The following MYO10 variants were observed in gnomAD, a reference collection of about 807,000 sequenced individuals.
MYO10 encodes the protein myosin X, also known as unconventional myosin-X.
Under a neutral mutation model 257.3 loss-of-function variants are expected in MYO10, and 133 were observed. That is an observed-to-expected ratio of 0.52 (90% CI 0.45 to 0.60). The LOEUF (loss-of-function observed/expected upper bound fraction) is 0.60, where lower values mean the gene tolerates loss of function less well. Among genes scored for constraint, MYO10 ranks in the 20% least tolerant of loss-of-function variants. MYO10 has a pLI of 0.00. For missense variants in MYO10, 2,399 were observed against 2,635.7 expected (o/e 0.91, Z 1.97); for synonymous variants, 1,104 against 1,028.6 (o/e 1.07, Z -1.40).
chr5:16,915,962 G>GA (rs10541432), intron 1 of MYO10: 4,176 of 405,140 alleles, frequency 0.01, no homozygotes, highest in South Asian at 0.019. Flanking sequence ...ACGTCAAAAA[G>GA]AAAAAAAAAA....
chr5:16,780,614 A>C lies in MYO10; in HGVS notation c.742-6T>G. 6.4e-7 allele frequency: 1 copy of C among 1,568,252 alleles called. No homozygotes were observed. Among genetic ancestry groups the C allele is most frequent in the Non-Finnish European group, 8.7e-7 (1 of 1,153,110 alleles). ...TTTTGCCTTACTACTCGGTTCTGGG[A>C]AGATAAATCAGATTTATATTCAGAG... On this transcript the variant is annotated splice_region_variant and splice_polypyrimidine_tract_variant and intron_variant, in intron 7 of 40. Coordinates refer to ENST00000513610, the MANE Select transcript of MYO10 (RefSeq NM_012334.3).
intron 2 of MYO10, among the ~76,000 whole-genome samples, chr5:16,863,518 T>C (rs750893464): frequency 6.6e-6 from 1 of 152,210 alleles, no homozygotes; most frequent in Admixed American, 6.5e-5. Flanking sequence ...ACACCTCACA[T>C]AGCCCACATT....
intron 4 of MYO10, among the ~76,000 whole-genome samples, chr5:16,790,701 T>C (rs1263838752): frequency 6.6e-6 from 1 of 152,170 alleles, no homozygotes; most frequent in African/African-American, 2.4e-5. Flanking sequence ...ATTAAACCTC[T>C]TTCTTTTGTA....
At chr5:16,757,622 A>G (rs1026156838) in intron 18 of MYO10, among the ~76,000 whole-genome samples, 2 of 152,144 alleles carry the variant, frequency 1.3e-5, no homozygotes, top group Non-Finnish European at 2.9e-5. Flanking sequence ...AAGGATCTAC[A>G]TGTTTTCATC....
chr5:16,826,305 G>T (rs186811523), intron 2 of MYO10, among the ~76,000 whole-genome samples: 4 of 152,212 alleles, frequency 2.6e-5, no homozygotes, highest in Non-Finnish European at 4.4e-5. Context: ...CATTTCTCTG[G>T]CCCAGTATTT....
At chr5:16,725,284 C>T (rs1278116875) in intron 19 of MYO10, among the ~76,000 whole-genome samples, 2 of 151,790 alleles carry the variant, frequency 1.3e-5, no homozygotes, top group African/African-American at 2.4e-5. Context: ...CTAGTAGAGA[C>T]GGGGTTTCAC....
intron 19 of MYO10, among the ~76,000 whole-genome samples, chr5:16,749,443 C>T (rs536069292): frequency 1.1e-4 from 16 of 150,056 alleles, no homozygotes; most frequent in South Asian, 4.2e-4. Flanking sequence ...ACTGAGATTG[C>T]GCCACTGCAC....
Position 16,675,063 on chromosome 5 carries a change from G to C in MYO10, c.4754C>G (p.Pro1585Arg). 2 of 1,613,940 alleles carry C rather than the reference G, an allele frequency of 1.2e-6. No individual in the cohort carries two copies. Among genetic ancestry groups the C allele is most frequent in the African/African-American group, 2.7e-5 (2 of 75,028 alleles). Residue 1585 changes from proline (P) to arginine (R), a missense_variant, in exon 35 of 41, where the codon CCA becomes CGA. Physicochemically the swap from Pro to Arg is moderately radical, Grantham distance 103. Coordinates refer to ENST00000513610, the MANE Select transcript of MYO10 (RefSeq NM_012334.3). ...TAGGATGCCCTGGATTATTGGAATT[G>C]GGTCAGACATGGACTCCAGTTGCTG... is the stretch of plus-strand genomic sequence containing the variant. ...SLQQLESMSD[P>R]IPIIQGILQT... is the part of the protein sequence containing the mutation.
intron 2 of MYO10, among the ~76,000 whole-genome samples, chr5:16,864,148 ATTTTT>A (rs34764765): frequency 0.054 from 7,224 of 134,508 alleles, 250 homozygotes; most frequent in South Asian, 0.18. Flanking sequence ...CTATGTGGCT[ATTTTT>A]TTTTTTTTTT....
intron 2 of MYO10, among the ~76,000 whole-genome samples, chr5:16,855,266 C>T (rs1743928692): frequency 2.0e-5 from 3 of 152,108 alleles, no homozygotes; most frequent in Non-Finnish European, 4.4e-5. Context: ...TATTTTTTCT[C>T]TATGGTATTT....
intron 27 of MYO10, among the ~76,000 whole-genome samples, chr5:16,694,072 A>G (rs1485079421): frequency 6.6e-6 from 1 of 152,240 alleles, no homozygotes; most frequent in Non-Finnish European, 1.5e-5. Context: ...ACTTGTTCCA[A>G]ATTCACACCA....
chr5:16,840,411 C>CTGAATGAATGAA lies in MYO10; in HGVS notation c.121-22256_121-22245dup, dbSNP rs58976150. On this transcript the variant is annotated intron_variant, in intron 2 of 40. Transcript: ENST00000513610. ...TGGGCGACAGAGCGACACTCCATCT[C>CTGAATGAATGAA]TGAATGAATGAATGAATGAATGAAT... is the stretch of plus-strand genomic sequence containing the variant. 3.9e-3 allele frequency among the ~76,000 whole-genome samples: 533 copies of CTGAATGAATGAA among 137,190 alleles called. 2 individuals carry two copies. The highest frequency in any genetic ancestry group is 8.6e-3 in the African/African-American group (347 of 40,156). The allele number at this position is 137,190 out of a possible 152,430, so 90.0% of individuals were successfully genotyped here.
chr5:16,851,079 C>T (rs1008995629), intron 2 of MYO10, among the ~76,000 whole-genome samples: 1 of 152,146 alleles, frequency 6.6e-6, no homozygotes, highest in Non-Finnish European at 1.5e-5. Flanking sequence ...GCTGGGATTA[C>T]AGGTGTGAGC....
chr5:16,930,594 C>G (rs543087224), intron 1 of MYO10, among the ~76,000 whole-genome samples: 2 of 152,178 alleles, frequency 1.3e-5, no homozygotes, highest in Admixed American at 6.5e-5. Context: ...TTCCATTCAC[C>G]AAGGGCCACT....
intron 2 of MYO10, among the ~76,000 whole-genome samples, chr5:16,836,028 A>G (rs1233868602): frequency 6.6e-6 from 1 of 152,158 alleles, no homozygotes; most frequent in Non-Finnish European, 1.5e-5. Context: ...TGAATATCTA[A>G]GAGCCAGAGG....
At chr5:16,684,548 T>G (rs1198067448) in intron 29 of MYO10, among the ~76,000 whole-genome samples, 2 of 152,242 alleles carry the variant, frequency 1.3e-5, no homozygotes, top group Non-Finnish European at 1.5e-5. Flanking sequence ...CTGGCCCCTC[T>G]TATTCTTAAA....
At chr5:16,919,974 G>A (rs1348535190) in intron 1 of MYO10, among the ~76,000 whole-genome samples, 1 of 152,202 alleles carries the variant, frequency 6.6e-6, no homozygotes, top group African/African-American at 2.4e-5. Context: ...ATCTGGACAT[G>A]GTGACACATG....
chr5:16,809,280 G>A (rs1236808601), intron 3 of MYO10, among the ~76,000 whole-genome samples: 1 of 152,224 alleles, frequency 6.6e-6, no homozygotes, highest in Non-Finnish European at 1.5e-5. Flanking sequence ...TGCCAAGGCA[G>A]TGCTAACCAA....
Position 16,794,574 on chromosome 5 carries a change from AGGCTGGGG to A in MYO10, c.467+64_467+71del. Reference sequence around the variant, plus strand: ...GCTTCCTCTGGTTAATGCCCTAAGGAGGCTGGGGTTGGGGGTGCGCGGAGGGACTCCTG... The same window carrying A: ...GCTTCCTCTGGTTAATGCCCTAAGGATTGGGGGTGCGCGGAGGGACTCCTG... On this transcript the variant is annotated intron_variant, in intron 4 of 40. Coordinates refer to ENST00000513610, the MANE Select transcript of MYO10 (RefSeq NM_012334.3). 5.0e-6 allele frequency: 7 copies of A among 1,396,668 alleles called. No individual in the cohort carries two copies. In the Admixed American group the frequency reaches 1.7e-4, roughly 35 times the overall value. The allele number at this position is 1,396,668 out of a possible 1,614,324, so 86.5% of individuals were successfully genotyped here. A position where few individuals can be genotyped will look rare whatever the true frequency, so the allele number is the denominator to read the frequency against.
Sources: gnomAD v4.1 joint callset for allele counts (sites outside exome capture counted in the v4.1 genomes callset) on GRCh38, gnomAD v4.1.1 for gene constraint, MANE v1.5 for transcripts, NCBI Gene and HGNC (gene_info 2026-07-23, HGNC 2026-07-21) for gene names.